ZNF292: variants seen among roughly 807,000 people sequenced by gnomAD.
ZNF292 encodes the protein 16 zinc-finger domain protein.
In ZNF292, 26 loss-of-function variants were observed where a neutral mutation model predicts 217.9. That is an observed-to-expected ratio of 0.12 (90% CI 0.09 to 0.17). The LOEUF is 0.17. Among genes scored for constraint, ZNF292 ranks in the 10% least tolerant of loss-of-function variants. The pLI is 1.00. For missense variants in ZNF292, 2,904 were observed against 3,175.2 expected (o/e 0.91, Z 2.05); for synonymous variants, 1,257 against 1,124.1 (o/e 1.12, Z -2.37).
At chr6:87,208,129 C>T (rs4707348) in intron 1 of ZNF292, among the ~76,000 whole-genome samples, 81,402 of 151,954 alleles carry the variant, frequency 0.54, 22,226 homozygotes, top group Admixed American at 0.62. Context: ...TTTCTTTTTG[C>T]TCCAGTGTTG....
chr6:87,234,598 A>G (rs1437713861), intron 5 of ZNF292, among the ~76,000 whole-genome samples: 1 of 152,076 alleles, frequency 6.6e-6, no homozygotes, highest in Non-Finnish European at 1.5e-5. Context: ...AACCTATAGT[A>G]GGTTGATCAG....
intron 1 of ZNF292, among the ~76,000 whole-genome samples, chr6:87,163,008 C>G (rs1370035068): frequency 5.3e-5 from 8 of 152,096 alleles, no homozygotes; most frequent in Admixed American, 5.2e-4. Flanking sequence ...GGAGAGCCTC[C>G]TGATTCATTG....
At chr6:87,222,870 G>C (rs1270721541) in intron 4 of ZNF292, 3 of 452,348 alleles carry the variant, frequency 6.6e-6, no homozygotes, top group African/African-American at 6.0e-5. Context: ...TGATGACCTT[G>C]ACAGTTTTGA....
Position 87,258,414 on chromosome 6 carries a change from A to G in ZNF292, c.4785A>G (p.Pro1595=). The G allele has an allele frequency of 1.2e-6, 2 of 1,613,754 alleles. No homozygotes were observed. Among genetic ancestry groups the G allele is most frequent in the South Asian group, 2.2e-5 (2 of 91,072 alleles). Residue 1595 remains proline (P), a synonymous_variant, in exon 8 of 8, where the codon CCA becomes CCG. Transcript: ENST00000369577. The part of the protein sequence containing the change: ...CSSSFPNSGG[P]SQNFTSNSSR... ...GTTCATTTCCTAATTCTGGTGGGCC[A>G]TCACAAAATTTTACCAGTAACAGTT...
At chr6:87,220,327 C>G (rs1330061799) in intron 4 of ZNF292, among the ~76,000 whole-genome samples, 1 of 152,080 alleles carries the variant, frequency 6.6e-6, no homozygotes, top group Non-Finnish European at 1.5e-5. Flanking sequence ...TTGGAAAGTG[C>G]TTTTATATGC....
chr6:87,241,307 T>A (rs760121454), intron 5 of ZNF292, among the ~76,000 whole-genome samples: 8 of 150,922 alleles, frequency 5.3e-5, no homozygotes, highest in East Asian at 3.9e-4. Flanking sequence ...TAAATAAATA[T>A]ATAAAATAAA....
chr6:87,259,847 C>A lies in ZNF292; in HGVS notation c.6218C>A (p.Thr2073Lys), dbSNP rs771953400. Residue 2073 changes from threonine to lysine, a missense_variant, in exon 8 of 8, where the codon ACA (threonine) becomes AAA (lysine). By Grantham distance (78) the Thr-to-Lys change is moderately conservative. Coordinates refer to ENST00000369577, the MANE Select transcript of ZNF292 (RefSeq NM_015021.3). Reference protein sequence around the residue: ...TSEQCNTNALTNTQTKGRKIR... With the variant: ...TSEQCNTNALKNTQTKGRKIR... ...GAACAATGTAATACAAATGCACTCA[C>A]AAACACACAAACCAAAGGACGGAAG... The A allele has an allele frequency of 4.3e-6, 7 of 1,612,954 alleles. No homozygotes were observed. In the African/African-American group the frequency reaches 6.7e-5, roughly 15 times the overall value.
Position 87,260,714 on chromosome 6 carries a change from G to T in ZNF292, c.7085G>T (p.Gly2362Val), listed in dbSNP as rs746689286. Residue 2362 changes from glycine (G) to valine (V), a missense_variant, in exon 8 of 8, where the codon GGG becomes GTG. By Grantham distance (109) the Gly-to-Val change is moderately radical. Transcript: ENST00000369577. ...AATAAGCCTTATTCTCTGAAACGTGGGAAGCATGTATATTCTATAAAGGCT... is the reference window on the plus strand; with the variant it reads ...AATAAGCCTTATTCTCTGAAACGTGTGAAGCATGTATATTCTATAAAGGCT... ...EENKPYSLKR[G>V]KHVYSIKARN... 2 of 1,613,272 alleles carry T rather than the reference G, an allele frequency of 1.2e-6. No individual in the cohort carries two copies. The highest frequency in any genetic ancestry group is 1.7e-6 in the Non-Finnish European group (2 of 1,179,602).
At chr6:87,169,635 C>T (rs548408245) in intron 1 of ZNF292, 2 of 404,560 alleles carry the variant, frequency 4.9e-6, no homozygotes, top group African/African-American at 2.1e-5. Context: ...GAGCCATTAG[C>T]ATTTAGTTGT....
chr6:87,213,612 G>A (rs1352348552), intron 1 of ZNF292: 2 of 152,696 alleles, frequency 1.3e-5, no homozygotes, highest in Non-Finnish European at 2.9e-5. Flanking sequence ...GGTCAGAGCA[G>A]GTGACCAGGG....
chr6:87,239,771 C>T (rs1466948952), intron 5 of ZNF292, among the ~76,000 whole-genome samples: 1 of 147,776 alleles, frequency 6.8e-6, no homozygotes, highest in Admixed American at 6.7e-5. Context: ...GGGGCAGAGG[C>T]GCTCCCCACA....
At chr6:87,254,624 A>C in intron 7 of ZNF292, 26 bp from the exon 8 acceptor site, 2 of 1,550,030 alleles carry the variant, frequency 1.3e-6, no homozygotes, top group Non-Finnish European at 1.7e-6. Flanking sequence ...AGATTAAATT[A>C]ACATTTCCTA....
intron 1 of ZNF292, among the ~76,000 whole-genome samples, chr6:87,176,435 G>A (rs2127775661): frequency 6.6e-6 from 1 of 152,312 alleles, no homozygotes; most frequent in East Asian, 1.9e-4. Context: ...TCAGGGAATA[G>A]CGAGGGCACC....
Position 87,261,004 on chromosome 6 carries a change from AATG to A in ZNF292, c.7378_7380del (p.Asp2460del). On this transcript the variant is annotated inframe_deletion, in exon 8 of 8. Coordinates refer to ENST00000369577, the MANE Select transcript of ZNF292 (RefSeq NM_015021.3). Reference sequence around the variant, plus strand: ...TTCTGACACGTGTGTATCAGAGAGCAATGATAATTCAAGAACAACAGCTACAGT... The same window carrying A: ...TTCTGACACGTGTGTATCAGAGAGCAATAATTCAAGAACAACAGCTACAGT... 1 of 1,605,822 alleles carries A rather than the reference AATG, an allele frequency of 6.2e-7. No homozygotes were observed. The highest frequency in any genetic ancestry group is 8.5e-7 in the Non-Finnish European group (1 of 1,175,566).
chr6:87,183,916 A>G (rs1771550858), intron 1 of ZNF292, among the ~76,000 whole-genome samples: 1 of 152,208 alleles, frequency 6.6e-6, no homozygotes, highest in Non-Finnish European at 1.5e-5. Flanking sequence ...GTAATGATTC[A>G]CCACCACATA....
At chr6:87,172,101 C>T (rs1021225012) in intron 1 of ZNF292, among the ~76,000 whole-genome samples, 4 of 152,168 alleles carry the variant, frequency 2.6e-5, no homozygotes, top group Non-Finnish European at 5.9e-5. Context: ...TTTCTATAGT[C>T]TCTTATACTG....
intron 1 of ZNF292, among the ~76,000 whole-genome samples, chr6:87,186,137 C>T (rs548756537): frequency 7.2e-5 from 11 of 152,310 alleles, no homozygotes; most frequent in African/African-American, 2.6e-4. Context: ...TTCTGATGTC[C>T]AGCCCCTGTC....
chr6:87,225,349 T>G (rs1773294654), intron 4 of ZNF292, among the ~76,000 whole-genome samples: 1 of 152,178 alleles, frequency 6.6e-6, no homozygotes, highest in Non-Finnish European at 1.5e-5. Flanking sequence ...TAAGAGCAAC[T>G]TAGCAGAAGT....
intron 5 of ZNF292, among the ~76,000 whole-genome samples, chr6:87,241,374 A>G (rs1410090695): frequency 6.6e-6 from 1 of 152,006 alleles, no homozygotes; most frequent in African/African-American, 2.4e-5. Context: ...TGTTTAACGT[A>G]ATTTTGAATA....
Sources: gnomAD v4.1 joint callset for allele counts (sites outside exome capture counted in the v4.1 genomes callset) on GRCh38, gnomAD v4.1.1 for gene constraint, MANE v1.5 for transcripts, NCBI Gene and HGNC (gene_info 2026-07-23, HGNC 2026-07-21) for gene names.